The following NKAIN1 variants were observed in gnomAD, a reference collection of about 807,000 sequenced individuals.
NKAIN1 encodes sodium/potassium-transporting ATPase subunit beta-1-interacting protein 1.
Under a neutral mutation model 31.6 loss-of-function variants are expected in NKAIN1, and 13 were observed. That is an observed-to-expected ratio of 0.41 (90% confidence interval 0.27 to 0.65). NKAIN1 has a LOEUF of 0.65. Ranked by LOEUF, NKAIN1 falls within the 30% of genes least tolerant of loss-of-function variation. NKAIN1 has a pLI of 0.30. For missense variants in NKAIN1, 193 were observed against 262.2 expected (o/e 0.74, Z 1.82); for synonymous variants, 104 against 109.0 (o/e 0.95, Z 0.28).
chr1:31,204,091 A>G (rs4949197), intron 1 of NKAIN1, among the ~76,000 whole-genome samples: 107,924 of 151,830 alleles, frequency 0.71, 39,685 homozygotes, highest in Middle Eastern at 0.9. Flanking sequence ...AAACTGGGAC[A>G]AGCTGGTCAC....
At chr1:31,231,499 G>T (rs1305737146) in intron 1 of NKAIN1, among the ~76,000 whole-genome samples, 1 of 149,186 alleles carries the variant, frequency 6.7e-6, no homozygotes, top group Admixed American at 6.7e-5. Flanking sequence ...CTATCTCCAT[G>T]AGTTCAATTG....
In NKAIN1 at chr1:31,181,664, A is replaced by C; in HGVS notation, c.*39T>G. ...GCCCGAGCTCGCGGCAGCTGCGGTC[A>C]GCCCAGGGCGAGGCGCCGGGGTGGG... On this transcript the variant is annotated 3_prime_UTR_variant, in exon 7 of 7. Coordinates refer to ENST00000373736, the MANE Select transcript of NKAIN1 (RefSeq NM_024522.3). 1 of 1,433,772 alleles carries C rather than the reference A, an allele frequency of 7.0e-7. No homozygotes were observed. The allele number at this position is 1,433,772 out of a possible 1,614,324, so 88.8% of individuals were successfully genotyped here. A position where few individuals can be genotyped will look rare whatever the true frequency, so the allele number is the denominator to read the frequency against.
chr1:31,237,492 G>A (rs1645701123), intron 1 of NKAIN1, among the ~76,000 whole-genome samples: 1 of 135,730 alleles, frequency 7.4e-6, no homozygotes, highest in South Asian at 2.2e-4. Flanking sequence ...TAGTTATAGA[G>A]AGAAGAAAAC....
chr1:31,213,810 TA>T (rs1280693108), intron 1 of NKAIN1, among the ~76,000 whole-genome samples: 1 of 151,798 alleles, frequency 6.6e-6, no homozygotes, highest in Non-Finnish European at 1.5e-5. Context: ...GCCTGGGCAA[TA>T]CAGGGAGATC....
chr1:31,224,425 C>T (rs1417507610), intron 1 of NKAIN1, among the ~76,000 whole-genome samples: 2 of 152,148 alleles, frequency 1.3e-5, no homozygotes, highest in South Asian at 2.1e-4. Flanking sequence ...CCTTGATTTA[C>T]GACGGGGCCA....
chr1:31,208,384 C>T lies in NKAIN1; in HGVS notation c.55-20197G>A, dbSNP rs116174045. Among the ~76,000 whole-genome samples, 1,181 of 152,298 alleles carry T rather than the reference C, an allele frequency of 7.8e-3. 20 individuals carry two copies. The highest frequency in any genetic ancestry group is 0.023 in the African/African-American group (965 of 41,556). ...AACTTGTGTTCTGTTGGAGATCCGCCTCTGCTGCAGCTTTCTCATTCCCGG... is the reference window on the plus strand; with the variant it reads ...AACTTGTGTTCTGTTGGAGATCCGCTTCTGCTGCAGCTTTCTCATTCCCGG... On this transcript the variant is annotated intron_variant, in intron 1 of 6. Transcript: ENST00000373736.
chr1:31,210,132 G>A (rs572457849), intron 1 of NKAIN1, among the ~76,000 whole-genome samples: 5 of 152,082 alleles, frequency 3.3e-5, no homozygotes, highest in African/African-American at 7.2e-5. Flanking sequence ...ATGATGCTTT[G>A]CAGAAATGCA....
chr1:31,215,307 G>A (rs190827285), intron 1 of NKAIN1, among the ~76,000 whole-genome samples: 9 of 152,274 alleles, frequency 5.9e-5, no homozygotes, highest in Admixed American at 3.9e-4. Context: ...CCAGGGCTTC[G>A]GGATCCCCCT....
intron 1 of NKAIN1, among the ~76,000 whole-genome samples, chr1:31,221,547 T>C (rs1645565354): frequency 6.6e-6 from 1 of 152,076 alleles, no homozygotes; most frequent in Non-Finnish European, 1.5e-5. Flanking sequence ...GCGATTCTCC[T>C]GCCTCAGCCT....
intron 3 of NKAIN1, chr1:31,185,023 T>A (rs2124163455): frequency 1.9e-6 from 1 of 525,618 alleles, no homozygotes; most frequent in East Asian, 3.1e-5. Context: ...CTGGCTCATC[T>A]TCACATGGAC....
rs1645197627 is a variant in NKAIN1 at position 31,181,553 on chromosome 1, A to C, written c.*150T>G. ...CAAGTCCAAGTCCAAGTCCACGTCC[A>C]AGTCCGCATCTCCAGATGCAGACGC... is the stretch of plus-strand genomic sequence containing the variant. On this transcript the variant is annotated 3_prime_UTR_variant, in exon 7 of 7. Transcript: ENST00000373736. The C allele has an allele frequency of 2.0e-5, 13 of 665,330 alleles. No homozygotes were observed. The highest frequency in any genetic ancestry group is 4.0e-5 in the Admixed American group (1 of 25,304). The allele number at this position is 665,330 out of a possible 1,614,324, so 41.2% of individuals were successfully genotyped here.
chr1:31,229,527 G>T (rs1645630684), intron 1 of NKAIN1, among the ~76,000 whole-genome samples: 1 of 152,098 alleles, frequency 6.6e-6, no homozygotes, highest in Admixed American at 6.5e-5. Context: ...ATGCTACCAT[G>T]CCCAGCTAAT....
intron 1 of NKAIN1, among the ~76,000 whole-genome samples, chr1:31,198,339 C>A (rs1160408443): frequency 6.6e-6 from 1 of 152,138 alleles, no homozygotes; most frequent in Non-Finnish European, 1.5e-5. Flanking sequence ...TCACGTGCAG[C>A]CCCCAGCTGC....
chr1:31,201,755 G>C (rs1645381916), intron 1 of NKAIN1, among the ~76,000 whole-genome samples: 1 of 152,298 alleles, frequency 6.6e-6, no homozygotes, highest in South Asian at 2.1e-4. Context: ...AACCAGTCTG[G>C]GGCCAAACCC....
chr1:31,220,003 A>ACT (rs138578415), intron 1 of NKAIN1, among the ~76,000 whole-genome samples: 2,285 of 127,690 alleles, frequency 0.018, 153 homozygotes, highest in Non-Finnish European at 0.027. Flanking sequence ...GAACACTCAG[A>ACT]TTTTTTTTTT....
chr1:31,199,357 T>C (rs969294862), intron 1 of NKAIN1, among the ~76,000 whole-genome samples: 1 of 152,240 alleles, frequency 6.6e-6, no homozygotes, highest in Non-Finnish European at 1.5e-5. Context: ...GCCAGCCGGA[T>C]GTCTGGCACG....
chr1:31,218,368 A>G (rs1191294370), intron 1 of NKAIN1, among the ~76,000 whole-genome samples: 1 of 152,004 alleles, frequency 6.6e-6, no homozygotes, highest in Non-Finnish European at 1.5e-5. Context: ...GGCCGCAGCT[A>G]CCATTTTCTA....
At chr1:31,198,346 C>G (rs1645347170) in intron 1 of NKAIN1, among the ~76,000 whole-genome samples, 1 of 152,166 alleles carries the variant, frequency 6.6e-6, no homozygotes, top group Non-Finnish European at 1.5e-5. Context: ...CAGCCCCCAG[C>G]TGCATTCTAA....
rs1356695832 is a variant in NKAIN1 at position 31,180,268 on chromosome 1, C to T, written c.*1435G>A. The T allele has an allele frequency of 6.6e-6, 1 of 152,518 alleles. No homozygotes were observed. The highest frequency in any genetic ancestry group is 6.5e-5 in the Admixed American group (1 of 15,286). 9.4% of individuals were successfully genotyped at this position (152,518 alleles called of 1,614,324 possible). A position where few individuals can be genotyped will look rare whatever the true frequency, so the allele number is the denominator to read the frequency against. On this transcript the variant is annotated 3_prime_UTR_variant, in exon 7 of 7. Transcript: ENST00000373736. ...CCATGTCTCCTGCCCTCCTTTCTAACCCAGGGCCATGCCTCTTTCACAGAT... is the reference window on the plus strand; with the variant it reads ...CCATGTCTCCTGCCCTCCTTTCTAATCCAGGGCCATGCCTCTTTCACAGAT...
Sources: allele counts gnomAD v4.1 joint callset (sites outside exome capture counted in the v4.1 genomes callset), GRCh38; gene constraint gnomAD v4.1.1; transcripts MANE v1.5; gene names NCBI Gene and HGNC (gene_info 2026-07-23, HGNC 2026-07-21).